Variants in LTBR observed in about 807,000 individuals in gnomAD.
LTBR encodes tumor necrosis factor receptor superfamily member 3.
In LTBR, 15 loss-of-function variants were observed where a neutral mutation model predicts 45.4. The observed-to-expected ratio is 0.33, with a 90% CI of 0.22 to 0.51. The LOEUF (loss-of-function observed/expected upper bound fraction) is 0.51. Among genes scored for constraint, LTBR ranks in the 20% least tolerant of loss-of-function variants. The probability of loss-of-function intolerance (pLI) is 0.97; values close to 1 mark genes in which losing one functional copy is unlikely to be tolerated. For missense variants in LTBR, 450 were observed against 565.5 expected (o/e 0.80, Z 2.07); for synonymous variants, 228 against 231.0 (o/e 0.99, Z 0.12).
rs1301241153 is a variant in LTBR, at chr12:6,384,362, C to G, written c.4C>G (p.Leu2Val). M[L>V]LPWATSAPGL... ...GCCGCCTGGCCGAGTGGCCGCCATG[C>G]TCCTGCCTTGGGCCACCTCTGCCCC... The change falls in exon 1 of 10, where the codon CTC becomes GTC. Residue 2 changes from leucine to valine, a missense_variant. Around this residue, in one of 3 missense-constraint regions of LTBR, gnomAD observed 367 missense variants for 435.4 expected, o/e 0.84. Coordinates refer to ENST00000228918, the MANE Select transcript of LTBR (RefSeq NM_002342.3). 1 of 1,518,574 alleles carries G rather than the reference C, an allele frequency of 6.6e-7. No homozygotes were observed. The highest frequency in any genetic ancestry group is 8.8e-7 in the Non-Finnish European group (1 of 1,137,802). The allele number at this position is 1,518,574 out of a possible 1,614,324, so 94.1% of individuals were successfully genotyped here.
intron 1 of LTBR, chr12:6,375,878 G>T (rs1289380679): frequency 7.8e-7 from 1 of 1,286,948 alleles, no homozygotes. Flanking sequence ...CGGGAGGACA[G>T]GAGGGCAGAA....
intron 1 of LTBR, chr12:6,377,333 C>T (rs1948929040): frequency 2.9e-6 from 4 of 1,393,828 alleles, no homozygotes; most frequent in South Asian, 1.3e-5. Flanking sequence ...CTGACCCTTC[C>T]CAAGGATAAA....
Position 6,386,123 on chromosome 12 carries a change from AT to A in LTBR, c.531del (p.Asn177LysfsTer38), listed in dbSNP as rs764208141. 1 of 1,613,890 alleles carries A rather than the reference AT, an allele frequency of 6.2e-7. No homozygotes were observed. The highest frequency in any genetic ancestry group is 1.3e-5 in the African/African-American group (1 of 74,990). The stretch of plus-strand genomic sequence containing the variant: ...CCCTGCAAGGCCGGGCACTTCCAGA[AT>A]ACCTCCTCCCCCAGCGCCCGCTGCC... ...CVPCKAGHFQ[N>X]TSSPSARCQP... On this transcript the variant is annotated frameshift_variant, in exon 5 of 10. Coordinates refer to ENST00000228918, the MANE Select transcript of LTBR (RefSeq NM_002342.3). LOFTEE classifies it high-confidence loss of function. This position sits in a 1 kb window ranked among gnomAD's most constrained non-coding sequence, Gnocchi z 4.1.
In LTBR at chr12:6,386,246, C is replaced by A. The variant is rs147840017; in HGVS notation, c.569+84C>A. ...CCCCCAGCGCCTATCCTTGACACCACGGACTCGACTCACCACTTTCAGCCT... is the reference window on the plus strand; with the variant it reads ...CCCCCAGCGCCTATCCTTGACACCAAGGACTCGACTCACCACTTTCAGCCT... On this transcript the variant is annotated intron_variant, in intron 5 of 9. Coordinates refer to ENST00000228918, the MANE Select transcript of LTBR (RefSeq NM_002342.3). The surrounding 1 kb of genome is among the most constrained non-coding windows in gnomAD (Gnocchi z 4.1). The A allele has an allele frequency of 7.5e-6, 11 of 1,474,654 alleles. No homozygotes were observed. Among genetic ancestry groups the A allele is most frequent in the African/African-American group, 7.0e-5 (5 of 71,828 alleles). 91.3% of individuals were successfully genotyped at this position (1,474,654 alleles called of 1,614,324 possible).
At chr12:6,377,179 C>A (rs1453080014) in intron 1 of LTBR, 25 of 1,311,320 alleles carry the variant, frequency 1.9e-5, no homozygotes, top group Non-Finnish European at 2.5e-5. Context: ...TCCTCTCTTG[C>A]GGCAGTCTCT....
At chr12:6,377,066 GAGA>G (rs1948925029) in intron 1 of LTBR, 1 of 546,866 alleles carries the variant, frequency 1.8e-6, no homozygotes, top group Admixed American at 3.4e-5. Context: ...AGCCTTCCCA[GAGA>G]AGGTGTCATC....
chr12:6,383,621 C>T (rs907313004), upstream of LTBR, among the ~76,000 whole-genome samples: 2 of 152,166 alleles, frequency 1.3e-5, no homozygotes, highest in African/African-American at 4.8e-5. Context: ...GTGACCTGTG[C>T]CCACTCCTGT....
At chr12:6,376,257 C>A (rs78715725) in intron 1 of LTBR, 6 of 913,392 alleles carry the variant, frequency 6.6e-6, no homozygotes, top group Non-Finnish European at 7.8e-6. Flanking sequence ...CTCGCCACCC[C>A]CTCCAACCTT....
Position 6,385,246 on chromosome 12 carries a change from T to G in LTBR, c.339T>G (p.Ile113Met). The change falls in exon 4 of 10, where the codon ATT becomes ATG. Residue 113 changes from isoleucine (I) to methionine (M), a missense_variant. Coordinates refer to ENST00000228918, the MANE Select transcript of LTBR (RefSeq NM_002342.3). ...CGCCAGTGATGGGCCTCGAGGAGAT[T>G]GCCCCCTGCACAAGCAAACGGAAGA... is the stretch of plus-strand genomic sequence containing the variant. ...PCDPVMGLEE[I>M]APCTSKRKTQ... 2 of 1,614,048 alleles carry G rather than the reference T, an allele frequency of 1.2e-6. No homozygotes were observed. Among genetic ancestry groups the G allele is most frequent in the Non-Finnish European group, 1.7e-6 (2 of 1,180,026 alleles).
At chr12:6,379,867 G>A (rs529580407), upstream of LTBR, among the ~76,000 whole-genome samples, 1 of 150,474 alleles carries the variant, frequency 6.6e-6, no homozygotes, top group South Asian at 2.1e-4. Context: ...CGGGGAGGTG[G>A]AGCTTGGAGT....
rs781268671 is a variant in LTBR, at chr12:6,386,173, C to A, written c.569+11C>A. ...CCAGCCCCACACCAGGTGAGTGCAG[C>A]CCCACCCAAGCTCCTTCCACCCTCT... On this transcript the variant is annotated intron_variant, in intron 5 of 9. Coordinates refer to ENST00000228918, the MANE Select transcript of LTBR (RefSeq NM_002342.3). The surrounding 1 kb of genome is among the most constrained non-coding windows in gnomAD (Gnocchi z 4.1). 4 of 1,606,364 alleles carry A rather than the reference C, an allele frequency of 2.5e-6. No homozygotes were observed. Among genetic ancestry groups the A allele is most frequent in the East Asian group, 2.2e-5 (1 of 44,840 alleles).
In LTBR at chr12:6,384,707, A is replaced by G. The variant is rs769007811; in HGVS notation, c.193+23A>G. On this transcript the variant is annotated intron_variant, in intron 2 of 9. Coordinates refer to ENST00000228918, the MANE Select transcript of LTBR (RefSeq NM_002342.3). The stretch of plus-strand genomic sequence containing the variant: ...CAGGTGAGAGGCAATGGCAGGACGA[A>G]CCTGGGCCTCGGAAGTGGGTCACGG... 3 of 1,609,052 alleles carry G rather than the reference A, an allele frequency of 1.9e-6. No individual in the cohort carries two copies. The South Asian group carries it at 3.3e-5, about 18-fold the overall frequency.
At position 6,386,468 on chromosome 12, in the gene LTBR, A is replaced by ATG. The variant is rs765849869; in HGVS notation, c.667+24_667+25insTG. The ATG allele has an allele frequency of 6.0e-6, 7 of 1,162,744 alleles. No homozygotes were observed. The highest frequency in any genetic ancestry group is 8.3e-6 in the Non-Finnish European group (7 of 847,642). 72.0% of individuals were successfully genotyped at this position (1,162,744 alleles called of 1,614,324 possible). On this transcript the variant is annotated intron_variant, in intron 6 of 9. Transcript: ENST00000228918. The surrounding 1 kb of genome is among the most constrained non-coding windows in gnomAD (Gnocchi z 4.1). ...AGGTGAGGGACCAGGGCTGAGGGAC[A>ATG]CGGGGGGGGCGCCTCTGAAAATGCC...
intron 1 of LTBR, among the ~76,000 whole-genome samples, chr12:6,376,433 G>C (rs137916184): frequency 1.3e-5 from 2 of 152,296 alleles, no homozygotes; most frequent in African/African-American, 4.8e-5. Flanking sequence ...CGAGGGCCAC[G>C]CAGGACACTG....
rs754804846 is a variant in LTBR, at chr12:6,384,631, A to C, written c.140A>C (p.Glu47Ala). Residue 47 changes from glutamate to alanine, a missense_variant, in exon 2 of 10, where the codon GAA (glutamate) becomes GCA (alanine). By Grantham distance (107) the Glu-to-Ala change is moderately radical. This residue lies in a region of LTBR where 367 missense variants were observed against 435.4 expected (regional missense o/e 0.84). Transcript: ENST00000228918. The stretch of plus-strand genomic sequence containing the variant: ...GAGAACCAGACCTGCAGGGACCAGG[A>C]AAAGGAATACTATGAGCCCCAGCAC... ...ASENQTCRDQEKEYYEPQHRI... is the reference protein window; with the variant it reads ...ASENQTCRDQAKEYYEPQHRI... 1 of 1,614,168 alleles carries C rather than the reference A, an allele frequency of 6.2e-7. No individual in the cohort carries two copies. Among genetic ancestry groups the C allele is most frequent in the Non-Finnish European group, 8.5e-7 (1 of 1,179,982 alleles).
intron 6 of LTBR, chr12:6,387,791 C>A (rs1443529965): frequency 6.8e-6 from 3 of 439,068 alleles, no homozygotes; most frequent in Non-Finnish European, 1.4e-5. Flanking sequence ...TTCTCTTCCC[C>A]TCCTAGAACC....
chr12:6,390,608 G>C, intron 9 of LTBR, 52 bp from the exon 10 acceptor site: 4 of 1,485,180 alleles, frequency 2.7e-6, no homozygotes, highest in Non-Finnish European at 3.6e-6. Flanking sequence ...AAGAAGCAGC[G>C]GGCCTGAACT....
At chr12:6,379,933 CAA>C (rs60566609), upstream of LTBR, among the ~76,000 whole-genome samples, 25,743 of 115,572 alleles carry the variant, frequency 0.22, 2,532 homozygotes, top group Non-Finnish European at 0.33. Context: ...GACTCTGTCT[CAA>C]AAAAAAAAAA....
intron 6 of LTBR, chr12:6,387,902 C>T (rs1410838616): frequency 1.1e-5 from 5 of 453,388 alleles, no homozygotes; most frequent in Admixed American, 9.5e-5. Context: ...CCTGTAAACA[C>T]CCCCACAGGT....
Sources: gnomAD v4.1 joint callset for allele counts (sites outside exome capture counted in the v4.1 genomes callset) on GRCh38, gnomAD v4.1.1 for gene constraint, gnomAD v4.1.1 regional missense constraint, Gnocchi (gnomAD v3.1) non-coding constraint, MANE v1.5 for transcripts, NCBI Gene and HGNC (gene_info 2026-07-23, HGNC 2026-07-21) for gene names.